SLC4A4: variants seen among roughly 807,000 people sequenced by gnomAD.
The protein encoded by SLC4A4 is solute carrier family 4 member 4.
Under a neutral mutation model 111.5 loss-of-function variants are expected in SLC4A4, and 27 were observed. That is an observed-to-expected ratio of 0.24 (90% CI 0.18 to 0.33). SLC4A4 has a LOEUF of 0.33. SLC4A4 is among the 10% of genes least tolerant of loss of function. The pLI, the probability that SLC4A4 is intolerant of heterozygous loss-of-function variation, is 1.00. For missense variants in SLC4A4, 909 were observed against 1,315.5 expected (o/e 0.69, Z 4.78); for synonymous variants, 443 against 463.4 (o/e 0.96, Z 0.57).
intron 3 of SLC4A4, among the ~76,000 whole-genome samples, chr4:71,279,788 A>T (rs1560841894): frequency 1.3e-5 from 2 of 150,882 alleles, no homozygotes; most frequent in African/African-American, 2.4e-5. Flanking sequence ...AGTGCTTGTT[A>T]TTTTTTTTTA....
At chr4:71,540,816 T>C (rs895195994) in intron 18 of SLC4A4, among the ~76,000 whole-genome samples, 6 of 152,146 alleles carry the variant, frequency 3.9e-5, no homozygotes, top group Non-Finnish European at 7.4e-5. Context: ...TCCAAAGATA[T>C]GAGCAAATGC....
intron 1 of SLC4A4, among the ~76,000 whole-genome samples, chr4:71,086,616 G>C (rs535583212): frequency 1.2e-4 from 18 of 151,912 alleles, no homozygotes; most frequent in East Asian, 9.6e-4. Flanking sequence ...TAGCATGAAG[G>C]GTTGTTGAAT....
intron 14 of SLC4A4, among the ~76,000 whole-genome samples, chr4:71,480,139 A>G (rs1728742785): frequency 6.6e-6 from 1 of 150,846 alleles, no homozygotes; most frequent in South Asian, 2.1e-4. Context: ...CTCCCACCTC[A>G]GCCTCCTGAG....
intron 15 of SLC4A4, among the ~76,000 whole-genome samples, chr4:71,493,733 C>A (rs569887185): frequency 9.1e-6 from 1 of 109,518 alleles, no homozygotes; most frequent in Non-Finnish European, 2.4e-5. Flanking sequence ...TCCCATCAAT[C>A]TCTTTTCCTT....
At chr4:71,202,088 C>G (rs1746282237) in intron 1 of SLC4A4, among the ~76,000 whole-genome samples, 1 of 152,196 alleles carries the variant, frequency 6.6e-6, no homozygotes, top group South Asian at 2.1e-4. Flanking sequence ...TGGTCTTCAA[C>G]TATCCCATCA....
Position 71,432,362 on chromosome 4 carries a change from C to G in SLC4A4, c.808-8254C>G, listed in dbSNP as rs532849588. 4.6e-5 allele frequency among the ~76,000 whole-genome samples: 7 copies of G among 152,186 alleles called. No individual in the cohort carries two copies. The South Asian group carries it at 1.5e-3, about 32-fold the overall frequency. On this transcript the variant is annotated intron_variant, in intron 7 of 25. Transcript: ENST00000264485. ...AGATTATTCTAGAAATGTTGTGTCA[C>G]TTTGGGCCACTTGGCCATATTCCAC...
chr4:71,516,318 C>T (rs193159622), intron 16 of SLC4A4, among the ~76,000 whole-genome samples: 93 of 151,958 alleles, frequency 6.1e-4, no homozygotes, highest in Non-Finnish European at 9.4e-4. Context: ...AGGATGGTCT[C>T]GATCTCCTGA....
intron 7 of SLC4A4, among the ~76,000 whole-genome samples, chr4:71,421,754 G>T (rs932647324): frequency 3.3e-5 from 5 of 152,020 alleles, no homozygotes; most frequent in East Asian, 3.9e-4. Context: ...CATAACAAAA[G>T]GAAGGCAGAA....
intron 15 of SLC4A4, among the ~76,000 whole-genome samples, chr4:71,495,162 G>A (rs73828182): frequency 0.012 from 1,803 of 152,150 alleles, 40 homozygotes; most frequent in African/African-American, 0.04. Flanking sequence ...TTAAGTTGAT[G>A]TAAGCAAGAA....
intron 2 of SLC4A4, among the ~76,000 whole-genome samples, chr4:71,102,430 C>G (rs1253822873): frequency 6.6e-5 from 10 of 151,254 alleles, no homozygotes; most frequent in African/African-American, 2.2e-4. Context: ...ACGCCACAAA[C>G]ATACTCCTCG....
intron 2 of SLC4A4, among the ~76,000 whole-genome samples, chr4:71,164,865 C>CA (rs1390912496): frequency 6.7e-5 from 10 of 149,876 alleles, no homozygotes; most frequent in African/African-American, 1.5e-4. Flanking sequence ...AAGAAAAAAA[C>CA]AAAAAAACCA....
At chr4:71,123,523 G>A (rs1399226778) in intron 2 of SLC4A4, among the ~76,000 whole-genome samples, 1 of 152,096 alleles carries the variant, frequency 6.6e-6, no homozygotes. Context: ...ATGGGAAACT[G>A]AGTATTTGTA....
At chr4:71,466,612 T>A (rs758006667) in intron 13 of SLC4A4, 35 bp downstream of exon 13, 1 of 1,599,728 alleles carries the variant, frequency 6.3e-7, no homozygotes, top group Non-Finnish European at 8.6e-7. Flanking sequence ...AAATTAGAAT[T>A]GCTTAATTGT....
At chr4:71,236,670 A>T (rs901885008) in intron 2 of SLC4A4, 21 bp downstream of exon 2, 1 of 1,598,358 alleles carries the variant, frequency 6.3e-7, no homozygotes, top group East Asian at 2.2e-5. Context: ...TGGGTCTGGG[A>T]AAGTGTCTGT....
At chr4:71,437,027 T>C (rs571707385) in intron 7 of SLC4A4, 1 of 371,762 alleles carries the variant, frequency 2.7e-6, no homozygotes, top group African/African-American at 2.2e-5. Context: ...GATAGGCCAA[T>C]GGTCCAATTA....
chr4:71,133,831 G>T (rs1331192249), intron 2 of SLC4A4, among the ~76,000 whole-genome samples: 1 of 152,172 alleles, frequency 6.6e-6, no homozygotes, highest in Non-Finnish European at 1.5e-5. Context: ...TTAGGGACCT[G>T]CCCTACTCTT....
intron 16 of SLC4A4, among the ~76,000 whole-genome samples, chr4:71,515,918 A>G (rs953141308): frequency 6.6e-6 from 1 of 151,958 alleles, no homozygotes; most frequent in Admixed American, 6.6e-5. Context: ...AAGTCCAGTC[A>G]GCAGTTCTAT....
At chr4:71,110,954 A>T (rs534785887) in intron 2 of SLC4A4, among the ~76,000 whole-genome samples, 5 of 152,062 alleles carry the variant, frequency 3.3e-5, no homozygotes, top group African/African-American at 1.2e-4. Flanking sequence ...AGGTCCTTTT[A>T]CTCTCAGATG....
chr4:71,167,938 T>G (rs889559488), intron 2 of SLC4A4, among the ~76,000 whole-genome samples: 2 of 152,192 alleles, frequency 1.3e-5, no homozygotes, highest in African/African-American at 4.8e-5. Flanking sequence ...TAGTCTGTTT[T>G]GTGCTGCTAA....
Sources: allele counts gnomAD v4.1 joint callset (sites outside exome capture counted in the v4.1 genomes callset), GRCh38; gene constraint gnomAD v4.1.1; transcripts MANE v1.5; gene names NCBI Gene and HGNC (gene_info 2026-07-23, HGNC 2026-07-21).